The following FILIP1L variants were observed in gnomAD, a reference collection of about 807,000 sequenced individuals.
FILIP1L encodes filamin A interacting protein 1 like, also known as filamin A-interacting protein 1-like.
In FILIP1L, 55 loss-of-function variants were observed where a neutral mutation model predicts 96.6. The ratio of observed to expected loss-of-function variants is 0.57; its 90% confidence interval spans 0.46 to 0.71. FILIP1L has a LOEUF of 0.71. Among genes scored for constraint, FILIP1L ranks in the 30% least tolerant of loss-of-function variants. The pLI is 0.00. For missense variants in FILIP1L, 1,304 were observed against 1,321.2 expected (o/e 0.99, Z 0.20); for synonymous variants, 467 against 473.9 (o/e 0.99, Z 0.19).
intron 1 of FILIP1L, among the ~76,000 whole-genome samples, chr3:99,979,413 T>C (rs1256161888): frequency 1.3e-5 from 2 of 152,000 alleles, no homozygotes; most frequent in Non-Finnish European, 2.9e-5. Flanking sequence ...AAAGATGTTA[T>C]ATCATGTCCA....
intron 1 of FILIP1L, among the ~76,000 whole-genome samples, chr3:100,068,253 CTAG>C (rs1173579181): frequency 6.6e-6 from 1 of 151,990 alleles, no homozygotes; most frequent in Admixed American, 6.5e-5. Context: ...TTGCACACTG[CTAG>C]TAGATGTGTA....
At chr3:99,956,948 T>C (rs967006260) in intron 1 of FILIP1L, among the ~76,000 whole-genome samples, 1 of 152,156 alleles carries the variant, frequency 6.6e-6, no homozygotes, top group African/African-American at 2.4e-5. Flanking sequence ...TCCAGGAACC[T>C]CTTCTTAAAG....
intron 1 of FILIP1L, among the ~76,000 whole-genome samples, chr3:100,020,909 A>T (rs2064803130): frequency 1.3e-5 from 2 of 152,064 alleles, no homozygotes; most frequent in Non-Finnish European, 2.9e-5. Flanking sequence ...CTGGGACTAC[A>T]GGCATGCGCC....
chr3:99,898,680 C>T (rs991769513), intron 4 of FILIP1L: 1 of 164,956 alleles, frequency 6.1e-6, no homozygotes, highest in Non-Finnish European at 1.3e-5. Context: ...GCAGGAGAAT[C>T]ACTTGAACCC....
intron 1 of FILIP1L, among the ~76,000 whole-genome samples, chr3:100,002,612 CAT>C (rs1181216415): frequency 2.0e-5 from 3 of 152,292 alleles, no homozygotes; most frequent in Non-Finnish European, 2.9e-5. Context: ...AAACCAAATG[CAT>C]ATCTGTCCAT....
At chr3:100,054,189 G>C (rs556649362) in intron 1 of FILIP1L, among the ~76,000 whole-genome samples, 1 of 152,298 alleles carries the variant, frequency 6.6e-6, no homozygotes, top group South Asian at 2.1e-4. Context: ...CTGTGAAGGA[G>C]GTTCAGAGCA....
intron 4 of FILIP1L, among the ~76,000 whole-genome samples, chr3:99,917,095 T>G (rs1234040945): frequency 6.6e-6 from 1 of 152,226 alleles, no homozygotes; most frequent in East Asian, 1.9e-4. Flanking sequence ...TTTGGCTACC[T>G]GTTTTATAGG....
intron 1 of FILIP1L, among the ~76,000 whole-genome samples, chr3:100,086,866 C>T (rs2066018020): frequency 6.6e-6 from 1 of 152,162 alleles, no homozygotes; most frequent in Non-Finnish European, 1.5e-5. Context: ...TAATCAGTCC[C>T]TCTCTCTATT....
At chr3:99,972,365 A>G (rs1228983438) in intron 1 of FILIP1L, among the ~76,000 whole-genome samples, 1 of 152,234 alleles carries the variant, frequency 6.6e-6, no homozygotes, top group Non-Finnish European at 1.5e-5. Flanking sequence ...TAGACTGTAA[A>G]TTCATTAAGA....
At chr3:100,021,403 C>T (rs1271869273) in intron 1 of FILIP1L, among the ~76,000 whole-genome samples, 2 of 152,100 alleles carry the variant, frequency 1.3e-5, no homozygotes, top group Admixed American at 1.3e-4. Flanking sequence ...AAGAAATAAG[C>T]TTATGATGCA....
At chr3:99,854,833 C>G (rs1032081743) in intron 4 of FILIP1L, among the ~76,000 whole-genome samples, 13 of 152,182 alleles carry the variant, frequency 8.5e-5, no homozygotes, top group African/African-American at 3.1e-4. Context: ...GAGCTCCCAC[C>G]TGAATTACAT....
chr3:99,886,553 GC>G (rs569622611), intron 4 of FILIP1L, among the ~76,000 whole-genome samples: 1 of 152,080 alleles, frequency 6.6e-6, no homozygotes, highest in Non-Finnish European at 1.5e-5. Flanking sequence ...GCACATTCCT[GC>G]CCAGATTTTG....
intron 4 of FILIP1L, among the ~76,000 whole-genome samples, chr3:99,892,927 T>C (rs1706131195): frequency 6.6e-6 from 1 of 152,208 alleles, no homozygotes; most frequent in Admixed American, 6.5e-5. Context: ...GGCCTGTATT[T>C]TTCTTCACAA....
chr3:99,973,644 A>T (rs1270005797), intron 1 of FILIP1L, among the ~76,000 whole-genome samples: 3 of 152,248 alleles, frequency 2.0e-5, no homozygotes, highest in African/African-American at 7.2e-5. Context: ...TAGATTGAGG[A>T]GGAAAACCAC....
Position 100,110,800 on chromosome 3 carries a change from C to T in FILIP1L, c.-11+3253G>A, listed in dbSNP as rs149792449. Among the ~76,000 whole-genome samples, 1,095 of 152,224 alleles carry T rather than the reference C, an allele frequency of 7.2e-3. 18 individuals are homozygous for T. Among genetic ancestry groups the T allele is most frequent in the African/African-American group, 0.024 (1,007 of 41,528 alleles). On this transcript the variant is annotated intron_variant, in intron 1 of 5. Coordinates refer to ENST00000477258, the MANE Select transcript of FILIP1L (RefSeq NM_001387850.1). ...CCCATGATAAACTGCTTCTTCACAA[C>T]AGCCTACTTATGCTTGCACCAGAAG...
chr3:99,928,853 A>T (rs1158409272), intron 3 of FILIP1L, among the ~76,000 whole-genome samples: 1 of 152,196 alleles, frequency 6.6e-6, no homozygotes, highest in African/African-American at 2.4e-5. Context: ...TAAAATTTGG[A>T]TTAAAGTGCA....
At position 99,911,696 on chromosome 3, in the gene FILIP1L, C is replaced by T. The variant is rs115901239; in HGVS notation, c.605+12534G>A. Among the ~76,000 whole-genome samples the T allele has an allele frequency of 4.1e-3, 619 of 152,328 alleles. 3 individuals are homozygous for T. Among genetic ancestry groups the T allele is most frequent in the Non-Finnish European group, 7.8e-3 (530 of 68,028 alleles). On this transcript the variant is annotated intron_variant, in intron 4 of 5. Coordinates refer to ENST00000477258, the MANE Select transcript of FILIP1L (RefSeq NM_001387850.1). ...ACCTTCACATTCGCTCCCTGCAGAG[C>T]TAATCCATCTTTCTAATCAGATCCT...
At chr3:99,927,251 C>T (rs1045199358) in intron 3 of FILIP1L, among the ~76,000 whole-genome samples, 3 of 152,142 alleles carry the variant, frequency 2.0e-5, no homozygotes, top group African/African-American at 7.2e-5. Flanking sequence ...AATTTAAAAG[C>T]TTAATTATAC....
intron 1 of FILIP1L, among the ~76,000 whole-genome samples, chr3:99,997,784 G>A (rs546047683): frequency 6.6e-6 from 1 of 152,238 alleles, no homozygotes; most frequent in South Asian, 2.1e-4. Flanking sequence ...AATAGCATGA[G>A]GTAATAGAGT....
Sources: gnomAD v4.1 joint callset for allele counts (sites outside exome capture counted in the v4.1 genomes callset) on GRCh38, gnomAD v4.1.1 for gene constraint, MANE v1.5 for transcripts, NCBI Gene and HGNC (gene_info 2026-07-23, HGNC 2026-07-21) for gene names.